SYT9: variants seen among roughly 807,000 people sequenced by gnomAD.
SYT9 encodes the protein synaptotagmin-9.
Under a neutral mutation model 48.4 loss-of-function variants are expected in SYT9, and 22 were observed. The observed-to-expected ratio is 0.45, with a 90% CI of 0.32 to 0.65. The LOEUF is 0.65. Among genes scored for constraint, SYT9 ranks in the 30% least tolerant of loss-of-function variants. The pLI, the probability that SYT9 is intolerant of heterozygous loss-of-function variation, is 0.03. For synonymous variants in SYT9, 265 were observed against 245.0 expected, an observed-to-expected ratio of 1.08 and a Z score of -0.76; for missense variants, 577 against 622.0, an observed-to-expected ratio of 0.93 and a Z score of 0.77.
chr11:7,362,469 A>G (rs766936855), intron 3 of SYT9, among the ~76,000 whole-genome samples: 3 of 152,080 alleles, frequency 2.0e-5, no homozygotes, highest in Non-Finnish European at 4.4e-5. Context: ...TGTGTCCAGA[A>G]ATGGTCACTG....
intron 6 of SYT9, among the ~76,000 whole-genome samples, chr11:7,464,347 A>T (rs1848291315): frequency 6.6e-6 from 1 of 152,226 alleles, no homozygotes; most frequent in African/African-American, 2.4e-5. Context: ...GCCAAGGCAG[A>T]TAAAGTACTT....
upstream of SYT9, among the ~76,000 whole-genome samples, chr11:7,247,608 C>CATATATATGTGT (rs368632961): frequency 2.1e-5 from 3 of 143,072 alleles, no homozygotes; most frequent in Admixed American, 1.4e-4. Flanking sequence ...CGTATATATA[C>CATATATATGTGT]ATATATACGT....
At chr11:7,318,959 C>A (rs1849289548) in intron 3 of SYT9, among the ~76,000 whole-genome samples, 1 of 152,074 alleles carries the variant, frequency 6.6e-6, no homozygotes, top group Admixed American at 6.6e-5. Context: ...GGCTTGGAAT[C>A]GAGGTAATTC....
In SYT9 at chr11:7,422,572, C is replaced by T. The variant is rs1320138610; in HGVS notation, c.1467+1937C>T. On this transcript the variant is annotated intron_variant, in intron 6 of 6. Coordinates refer to ENST00000318881, the MANE Select transcript of SYT9 (RefSeq NM_175733.4). ...TGGCATTTAGAAGAGTTGTAATAGA[C>T]TTTTTGCACCCTTATGAGCCATTGC... is the stretch of plus-strand genomic sequence containing the variant. Among the ~76,000 whole-genome samples, 4 of 152,252 alleles carry T rather than the reference C, an allele frequency of 2.6e-5. No individual in the cohort carries two copies. In the East Asian group the frequency reaches 7.7e-4, roughly 29 times the overall value.
At chr11:7,340,214 G>T (rs1849690735) in intron 3 of SYT9, among the ~76,000 whole-genome samples, 1 of 152,126 alleles carries the variant, frequency 6.6e-6, no homozygotes, top group Non-Finnish European at 1.5e-5. Context: ...TATCAGGTCA[G>T]TTAGGTTCTC....
intron 3 of SYT9, among the ~76,000 whole-genome samples, chr11:7,400,066 G>C (rs999933472): frequency 1.3e-5 from 2 of 152,208 alleles, no homozygotes; most frequent in African/African-American, 4.8e-5. Flanking sequence ...GACTTACTGA[G>C]TTCAGCCATG....
At chr11:7,335,428 G>T (rs539367114) in intron 3 of SYT9, among the ~76,000 whole-genome samples, 1 of 152,026 alleles carries the variant, frequency 6.6e-6, no homozygotes, top group Non-Finnish European at 1.5e-5. Context: ...ACTAGGCCTA[G>T]TACCCAATAA....
chr11:7,369,794 AACAC>A lies in SYT9; in HGVS notation c.1045-46222_1045-46219del, dbSNP rs58554896. Among the ~76,000 whole-genome samples, 1,312 of 143,974 alleles carry A rather than the reference AACAC, an allele frequency of 9.1e-3. 19 individuals carry two copies. Among genetic ancestry groups the A allele is most frequent in the African/African-American group, 0.026 (1,017 of 38,868 alleles). The allele number at this position is 143,974 out of a possible 152,430, so 94.5% of individuals were successfully genotyped here. A position where few individuals can be genotyped will look rare whatever the true frequency, so the allele number is the denominator to read the frequency against. On this transcript the variant is annotated intron_variant, in intron 3 of 6. Transcript: ENST00000318881. ...CATACACACCACACACACACACACA[AACAC>A]ACACACACACACACACACACACACA...
chr11:7,426,598 C>T (rs1255167411), intron 6 of SYT9, among the ~76,000 whole-genome samples: 1 of 152,144 alleles, frequency 6.6e-6, no homozygotes, highest in East Asian at 1.9e-4. Flanking sequence ...CTACATTGTT[C>T]CTCTAGCCTG....
At chr11:7,374,298 C>A (rs566443383) in intron 3 of SYT9, among the ~76,000 whole-genome samples, 104 of 152,254 alleles carry the variant, frequency 6.8e-4, no homozygotes, top group African/African-American at 2.2e-3. Context: ...ATATGTGCCA[C>A]ATTTTCTTTA....
chr11:7,406,006 G>C (rs1847000997), intron 3 of SYT9, among the ~76,000 whole-genome samples: 1 of 152,080 alleles, frequency 6.6e-6, no homozygotes, highest in Admixed American at 6.5e-5. Flanking sequence ...GACAGAGAAA[G>C]TTTCTGTTCT....
In SYT9 at chr11:7,389,027, T is replaced by C. The variant is rs376429649; in HGVS notation, c.1045-27015T>C. The stretch of plus-strand genomic sequence containing the variant: ...GTGAGGACATTGTGTGGTTGTTTAA[T>C]AAAGGGTTAAGTCACTAGGCTTGGT... On this transcript the variant is annotated intron_variant, in intron 3 of 6. Coordinates refer to ENST00000318881, the MANE Select transcript of SYT9 (RefSeq NM_175733.4). Among the ~76,000 whole-genome samples, 6 of 152,208 alleles carry C rather than the reference T, an allele frequency of 3.9e-5. No individual in the cohort carries two copies. The East Asian group carries it at 9.6e-4, about 24-fold the overall frequency.
rs140937083 is a variant in SYT9, at chr11:7,346,257, G to A, written c.1044+32316G>A. ...AAATTGGGAAGGAATTTTTCAAAAT[G>A]GGAGAAAACAGATTATTTAAATACT... On this transcript the variant is annotated intron_variant, in intron 3 of 6. Transcript: ENST00000318881. Among the ~76,000 whole-genome samples the A allele has an allele frequency of 7.2e-5, 11 of 152,294 alleles. No homozygotes were observed. The East Asian group carries it at 1.9e-3, about 27-fold the overall frequency.
chr11:7,404,006 T>A (rs1394363179), intron 3 of SYT9, among the ~76,000 whole-genome samples: 1 of 152,202 alleles, frequency 6.6e-6, no homozygotes, highest in East Asian at 1.9e-4. Flanking sequence ...TTGAGGCCTT[T>A]ATCATAATGT....
rs745448255 is a variant in SYT9, at chr11:7,418,099, C to T, written c.1308C>T (p.His436=). The part of the protein sequence containing the change: ...DVPPENIDQI[H]LSIAVMDYDR... ...CTCCCGAGAACATTGACCAAATCCA[C>T]TTGTCCATAGCAGTCATGGACTATG... Residue 436 remains histidine, a synonymous_variant, in exon 5 of 7, where the codon CAC becomes CAT. Coordinates refer to ENST00000318881, the MANE Select transcript of SYT9 (RefSeq NM_175733.4). The T allele has an allele frequency of 6.2e-7, 1 of 1,614,096 alleles. No individual in the cohort carries two copies. Among genetic ancestry groups the T allele is most frequent in the South Asian group, 1.1e-5 (1 of 91,054 alleles).
At chr11:7,402,853 TTTCTAA>T (rs1258839431) in intron 3 of SYT9, among the ~76,000 whole-genome samples, 1 of 152,182 alleles carries the variant, frequency 6.6e-6, no homozygotes, top group Admixed American at 6.5e-5. Flanking sequence ...AAATCTGCCT[TTTCTAA>T]TTCTAATTGT....
chr11:7,461,900 G>A (rs1490550393), intron 6 of SYT9, among the ~76,000 whole-genome samples: 5 of 152,116 alleles, frequency 3.3e-5, no homozygotes, highest in Admixed American at 3.3e-4. Context: ...CTTCACTGTA[G>A]CCTTTGCTTC....
At chr11:7,241,238 G>A (rs1487846) in intron 1 of SYT9, among the ~76,000 whole-genome samples, 2,677 of 116,388 alleles carry the variant, frequency 0.023, 72 homozygotes, top group African/African-American at 0.079. Flanking sequence ...ACACACACAC[G>A]CACACACTCA....
chr11:7,333,608 T>C (rs1849581338), intron 3 of SYT9, among the ~76,000 whole-genome samples: 1 of 152,240 alleles, frequency 6.6e-6, no homozygotes, highest in African/African-American at 2.4e-5. Context: ...GATACTCCTC[T>C]ATTACACATT....
Sources: allele counts gnomAD v4.1 joint callset (sites outside exome capture counted in the v4.1 genomes callset), GRCh38; gene constraint gnomAD v4.1.1; transcripts MANE v1.5; gene names NCBI Gene and HGNC (gene_info 2026-07-23, HGNC 2026-07-21).